The following SAE1 variants were observed in gnomAD, a reference collection of about 807,000 sequenced individuals.
SAE1 encodes SUMO1 activating enzyme subunit 1.
A neutral mutation model predicts 40.6 loss-of-function variants in SAE1; 11 were observed. The ratio of observed to expected loss-of-function variants is 0.27; its 90% CI spans 0.17 to 0.45. The LOEUF (loss-of-function observed/expected upper bound fraction) is 0.45. Ranked by LOEUF, SAE1 falls within the 20% of genes least tolerant of loss-of-function variation. The probability of loss-of-function intolerance (pLI) is 1.00; values close to 1 mark genes in which losing one functional copy is unlikely to be tolerated. For synonymous variants in SAE1, 155 were observed against 154.3 expected (o/e 1.00, Z -0.03); for missense variants, 373 against 427.3 (o/e 0.87, Z 1.12).
chr19:47,178,123 C>A (rs1207950518), intron 6 of SAE1, among the ~76,000 whole-genome samples: 1 of 151,998 alleles, frequency 6.6e-6, no homozygotes, highest in Non-Finnish European at 1.5e-5. Flanking sequence ...CGCCTGTAGT[C>A]CCAGCTACTC....
At chr19:47,154,711 G>T (rs947757818) in intron 4 of SAE1, among the ~76,000 whole-genome samples, 2 of 151,906 alleles carry the variant, frequency 1.3e-5, no homozygotes, top group Non-Finnish European at 2.9e-5. Context: ...GGCCAGGATG[G>T]TCTCAAACCC....
chr19:47,206,485 GCGTCTTTCCTTTCTTA>G (rs758043568), intron 8 of SAE1, among the ~76,000 whole-genome samples: 9 of 152,162 alleles, frequency 5.9e-5, no homozygotes, highest in Non-Finnish European at 8.8e-5. Context: ...ATCATCTTTT[GCGTCTTTCCTTTCTTA>G]CGTCCTTCTA....
intron 6 of SAE1, among the ~76,000 whole-genome samples, chr19:47,181,460 CTTG>C (rs1255772088): frequency 7.3e-6 from 1 of 137,610 alleles, no homozygotes; most frequent in Admixed American, 7.3e-5. Context: ...TTTTGTTTTT[CTTG>C]TTTTTTCTTT....
At chr19:47,149,100 CT>C (rs2123204909) in intron 2 of SAE1, among the ~76,000 whole-genome samples, 1 of 149,994 alleles carries the variant, frequency 6.7e-6, no homozygotes, top group South Asian at 2.1e-4. Context: ...GATCCTCCTG[CT>C]TTGGCGTCCC....
intron 6 of SAE1, among the ~76,000 whole-genome samples, chr19:47,173,410 T>C (rs2058447550): frequency 6.6e-6 from 1 of 152,220 alleles, no homozygotes; most frequent in Non-Finnish European, 1.5e-5. Flanking sequence ...CTGATGCTGA[T>C]GTCCAGTAGC....
chr19:47,205,936 G>GC (rs1307020801), intron 8 of SAE1, among the ~76,000 whole-genome samples: 1 of 152,236 alleles, frequency 6.6e-6, no homozygotes, highest in Non-Finnish European at 1.5e-5. Flanking sequence ...ATCAGGTGTT[G>GC]CCTTCAATGG....
chr19:47,182,496 T>TGTGTGTGTGTGTGTGTGTGCGC (rs143321323), intron 6 of SAE1, among the ~76,000 whole-genome samples: 1 of 145,938 alleles, frequency 6.9e-6, no homozygotes, highest in African/African-American at 2.6e-5. Flanking sequence ...TGTGTGTGTG[T>TGTGTGTGTGTGTGTGTGTGCGC]GCGCGCACGC....
chr19:47,145,610 T>TTA (rs1365041267), intron 2 of SAE1, among the ~76,000 whole-genome samples: 13 of 151,954 alleles, frequency 8.6e-5, no homozygotes, highest in Admixed American at 7.2e-4. Flanking sequence ...AGACAAAGAC[T>TTA]TACTCTGTCG....
At chr19:47,158,609 A>G (rs1406120274) in intron 5 of SAE1, among the ~76,000 whole-genome samples, 1 of 152,226 alleles carries the variant, frequency 6.6e-6, no homozygotes, top group Non-Finnish European at 1.5e-5. Context: ...AGGAAGTAGG[A>G]TAAACCGAAA....
intron 6 of SAE1, among the ~76,000 whole-genome samples, chr19:47,176,107 A>G (rs1358695497): frequency 6.6e-6 from 1 of 152,206 alleles, no homozygotes; most frequent in African/African-American, 2.4e-5. Context: ...GTGTTTATGT[A>G]ATCAAACTGT....
intron 8 of SAE1, among the ~76,000 whole-genome samples, chr19:47,207,363 AGAG>A (rs1568613350): frequency 6.6e-6 from 1 of 152,212 alleles, no homozygotes; most frequent in Non-Finnish European, 1.5e-5. Flanking sequence ...CTGAGTTTGA[AGAG>A]GAGCAGTTCA....
intron 6 of SAE1, among the ~76,000 whole-genome samples, chr19:47,185,099 G>A (rs959148138): frequency 7.9e-5 from 12 of 151,934 alleles, no homozygotes; most frequent in African/African-American, 1.7e-4. Flanking sequence ...GATTATAGGC[G>A]TACTTGGAAG....
chr19:47,172,863 A>C (rs891563524), intron 6 of SAE1, among the ~76,000 whole-genome samples: 3 of 151,884 alleles, frequency 2.0e-5, no homozygotes, highest in Admixed American at 2.0e-4. Context: ...CATGTATATC[A>C]CCTTCATCTC....
intron 6 of SAE1, among the ~76,000 whole-genome samples, chr19:47,175,854 A>G (rs1353718264): frequency 6.6e-6 from 1 of 152,248 alleles, no homozygotes; most frequent in Non-Finnish European, 1.5e-5. Context: ...TGGTGCAGAT[A>G]GTTTTAGACA....
chr19:47,182,487 G>A (rs1478348649), intron 6 of SAE1, among the ~76,000 whole-genome samples: 1 of 144,914 alleles, frequency 6.9e-6, no homozygotes, highest in African/African-American at 2.7e-5. Flanking sequence ...GTGTGTGTGT[G>A]TGTGTGTGTG....
chr19:47,192,376 G>C (rs2058584341), intron 6 of SAE1, among the ~76,000 whole-genome samples: 1 of 151,808 alleles, frequency 6.6e-6, no homozygotes, highest in African/African-American at 2.4e-5. Flanking sequence ...AGGCTCCCGA[G>C]TAGCTGGGAT....
chr19:47,197,290 A>G lies in SAE1; in HGVS notation c.791A>G (p.Glu264Gly). 1.2e-6 allele frequency: 2 copies of G among 1,614,040 alleles called. No homozygotes were observed. The highest frequency in any genetic ancestry group is 1.7e-6 in the Non-Finnish European group (2 of 1,179,910). Residue 264 changes from glutamate to glycine, a missense_variant, in exon 7 of 9, where the codon GAA becomes GGA. Glu to Gly is a moderately conservative substitution (Grantham distance 98, BLOSUM62 -2). Around this residue, in one of 3 missense-constraint regions of SAE1, gnomAD observed 351 missense variants for 390.6 expected, o/e 0.90. Transcript: ENST00000270225. ...GRDPSSDTYE[E>G]DSELLLQIRN... ...GATCCCAGTTCTGATACATATGAGG[A>G]AGATTCTGAGTTGTTGCTCCAGATA...
intron 8 of SAE1, among the ~76,000 whole-genome samples, chr19:47,206,525 A>G (rs1178941503): frequency 2.0e-5 from 3 of 152,108 alleles, no homozygotes; most frequent in Admixed American, 1.3e-4. Flanking sequence ...ACCCTATTTT[A>G]TATCCATGTC....
chr19:47,148,524 T>G (rs920175558), intron 2 of SAE1, among the ~76,000 whole-genome samples: 1 of 152,032 alleles, frequency 6.6e-6, no homozygotes, highest in Non-Finnish European at 1.5e-5. Context: ...TATATTATCC[T>G]GTCTTTGAGG....
Sources: allele counts gnomAD v4.1 joint callset (sites outside exome capture counted in the v4.1 genomes callset), GRCh38; gene constraint gnomAD v4.1.1; regional missense constraint gnomAD v4.1.1; transcripts MANE v1.5; gene names NCBI Gene and HGNC (gene_info 2026-07-23, HGNC 2026-07-21).